PITPNC1: variants seen among roughly 807,000 people sequenced by gnomAD.
PITPNC1 encodes the protein cytoplasmic phosphatidylinositol transfer protein 1.
In PITPNC1, 18 loss-of-function variants were observed where a neutral mutation model predicts 44.7. The observed-to-expected ratio is 0.40, with a 90% confidence interval of 0.28 to 0.60. The LOEUF (loss-of-function observed/expected upper bound fraction) is 0.60, where lower values mean the gene tolerates loss of function less well. Among genes scored for constraint, PITPNC1 ranks in the 20% least tolerant of loss-of-function variants. The pLI, the probability that PITPNC1 is intolerant of heterozygous loss-of-function variation, is 0.39. For missense variants in PITPNC1, 290 were observed against 418.4 expected (o/e 0.69, Z 2.68); for synonymous variants, 141 against 149.6 (o/e 0.94, Z 0.42).
chr17:67,599,002 A>G (rs949208774), intron 5 of PITPNC1, among the ~76,000 whole-genome samples: 1 of 23,360 alleles, frequency 4.3e-5, no homozygotes, highest in African/African-American at 9.6e-5. Flanking sequence ...TAAGAAATAC[A>G]TATATATATA....
chr17:67,651,166 G>A (rs1474893604), intron 6 of PITPNC1, among the ~76,000 whole-genome samples: 1 of 151,990 alleles, frequency 6.6e-6, no homozygotes, highest in African/African-American at 2.4e-5. Context: ...CAAGTTTTAG[G>A]TCAGTTCTCC....
At chr17:67,648,303 A>G (rs2642039) in intron 6 of PITPNC1, among the ~76,000 whole-genome samples, 57,871 of 152,014 alleles carry the variant, frequency 0.38, 14,011 homozygotes, top group African/African-American at 0.69. Context: ...GTAGGAATGC[A>G]GGCTGTTAAT....
intron 1 of PITPNC1, among the ~76,000 whole-genome samples, chr17:67,506,670 A>G (rs2040106831): frequency 6.6e-6 from 1 of 152,220 alleles, no homozygotes; most frequent in Non-Finnish European, 1.5e-5. Context: ...TACTGCGGGT[A>G]AACAAGAAAA....
chr17:67,573,643 A>G (rs1472550971), intron 4 of PITPNC1, among the ~76,000 whole-genome samples: 1 of 139,422 alleles, frequency 7.2e-6, no homozygotes, highest in Non-Finnish European at 1.5e-5. Flanking sequence ...GCTCACTACA[A>G]CCCCCGCCTC....
At chr17:67,665,871 GTCTC>G (rs2042415455) in intron 6 of PITPNC1, among the ~76,000 whole-genome samples, 1 of 147,666 alleles carries the variant, frequency 6.8e-6, no homozygotes, top group Non-Finnish European at 1.5e-5. Flanking sequence ...TTGAGACAGA[GTCTC>G]TGTCACCCAG....
At chr17:67,547,499 G>C (rs1012483827) in intron 2 of PITPNC1, among the ~76,000 whole-genome samples, 26 of 152,158 alleles carry the variant, frequency 1.7e-4, no homozygotes, top group Non-Finnish European at 2.9e-4. Context: ...CTGGGCAACA[G>C]AGCGAGACCC....
chr17:67,663,228 T>C (rs144185901), intron 6 of PITPNC1, among the ~76,000 whole-genome samples: 3,378 of 152,280 alleles, frequency 0.022, 119 homozygotes, highest in African/African-American at 0.076. Flanking sequence ...CAGGAGGTTC[T>C]TGGCTTCACC....
intron 1 of PITPNC1, among the ~76,000 whole-genome samples, chr17:67,425,201 A>ACGCACG (rs2038738714): frequency 3.2e-5 from 2 of 63,288 alleles, no homozygotes; most frequent in Non-Finnish European, 6.4e-5. Flanking sequence ...GCGCACGCAC[A>ACGCACG]CGCACACACA....
Position 67,499,281 on chromosome 17 carries a change from C to T in PITPNC1, c.49-33521C>T, listed in dbSNP as rs527415641. Among the ~76,000 whole-genome samples the T allele has an allele frequency of 1.2e-3, 190 of 152,290 alleles. 1 individual carries two copies. Among genetic ancestry groups the T allele is most frequent in the Non-Finnish European group, 2.3e-3 (157 of 68,020 alleles). ...CCATGTTGGAGTGCAATGGTGTGAT[C>T]TCAGCTCACTGCAACCTTCACCTCC... On this transcript the variant is annotated intron_variant, in intron 1 of 8. Coordinates refer to ENST00000581322, the MANE Select transcript of PITPNC1 (RefSeq NM_012417.4).
chr17:67,610,496 C>A (rs1327256811), intron 5 of PITPNC1, among the ~76,000 whole-genome samples: 2 of 152,156 alleles, frequency 1.3e-5, no homozygotes, highest in East Asian at 1.9e-4. Context: ...CTTACAAATT[C>A]TTTTCTAAAC....
At chr17:67,561,904 G>A (rs1170003738) in intron 4 of PITPNC1, among the ~76,000 whole-genome samples, 1 of 152,154 alleles carries the variant, frequency 6.6e-6, no homozygotes, top group Non-Finnish European at 1.5e-5. Context: ...CCCTATCTCT[G>A]TTATTTACAT....
chr17:67,533,086 T>A, intron 2 of PITPNC1, 136 bp downstream of exon 2: 3 of 668,068 alleles, frequency 4.5e-6, no homozygotes, highest in Non-Finnish European at 7.5e-6. Context: ...CGACCACCAA[T>A]CTCATTGTTT....
At chr17:67,546,838 T>C (rs2040691798) in intron 2 of PITPNC1, among the ~76,000 whole-genome samples, 1 of 152,140 alleles carries the variant, frequency 6.6e-6, no homozygotes, top group Admixed American at 6.5e-5. Flanking sequence ...ACTGCTCACT[T>C]CCCTACTGCC....
At chr17:67,579,688 T>C (rs996236077) in intron 5 of PITPNC1, among the ~76,000 whole-genome samples, 11 of 143,612 alleles carry the variant, frequency 7.7e-5, no homozygotes, top group African/African-American at 2.6e-4. Flanking sequence ...CCTGTAATCC[T>C]AGCATGTTGG....
At chr17:67,629,270 TTTG>T (rs1295455215) in intron 5 of PITPNC1, among the ~76,000 whole-genome samples, 259 of 5,232 alleles carry the variant, frequency 0.05, 2 homozygotes, top group African/African-American at 0.14. Context: ...GTGTGTGGTT[TTTG>T]TTGTTGTTGT....
rs547889947 is a variant in PITPNC1 at position 67,662,573 on chromosome 17, C to T, written c.463-6935C>T. On this transcript the variant is annotated intron_variant, in intron 6 of 8. Transcript: ENST00000581322. ...AAAAGGAAATTTTGTTTCTGTTTGCCGTCATTCTGCATACCACTCCCTTCC... is the reference window on the plus strand; with the variant it reads ...AAAAGGAAATTTTGTTTCTGTTTGCTGTCATTCTGCATACCACTCCCTTCC... 2.5e-3 allele frequency among the ~76,000 whole-genome samples: 382 copies of T among 152,106 alleles called. 2 individuals are homozygous for T. Among genetic ancestry groups the T allele is most frequent in the African/African-American group, 8.7e-3 (361 of 41,434 alleles).
intron 1 of PITPNC1, among the ~76,000 whole-genome samples, chr17:67,392,266 A>G (rs2038149497): frequency 6.6e-6 from 1 of 152,170 alleles, no homozygotes; most frequent in African/African-American, 2.4e-5. Flanking sequence ...TACTATTCAG[A>G]GTTATAGATT....
rs556460575 is a variant in PITPNC1, at chr17:67,623,918, A to T, written c.367-8225A>T. Among the ~76,000 whole-genome samples the T allele has an allele frequency of 2.0e-5, 3 of 152,316 alleles. No individual in the cohort carries two copies. The South Asian group carries it at 6.2e-4, about 32-fold the overall frequency. On this transcript the variant is annotated intron_variant, in intron 5 of 8. Transcript: ENST00000581322. ...TAGAAACAAATCTAGAAATGAAGCA[A>T]GAGCAATTGCAAAATTTAGAAAAAC...
chr17:67,529,341 G>A (rs1260823292), intron 1 of PITPNC1, among the ~76,000 whole-genome samples: 1 of 152,166 alleles, frequency 6.6e-6, no homozygotes, highest in Non-Finnish European at 1.5e-5. Flanking sequence ...TGGAGTGCCT[G>A]AAGATGGTCC....
Sources: allele counts gnomAD v4.1 joint callset (sites outside exome capture counted in the v4.1 genomes callset), GRCh38; gene constraint gnomAD v4.1.1; transcripts MANE v1.5; gene names NCBI Gene and HGNC (gene_info 2026-07-23, HGNC 2026-07-21).